The following FAM117A variants were observed in gnomAD, a reference collection of about 807,000 sequenced individuals.
FAM117A encodes the protein family with sequence similarity 117 member A.
Under a neutral mutation model 44.1 loss-of-function variants are expected in FAM117A, and 21 were observed. The ratio of observed to expected loss-of-function variants is 0.48; its 90% CI spans 0.34 to 0.69. The LOEUF is 0.69. Ranked by LOEUF, FAM117A falls within the 30% of genes least tolerant of loss-of-function variation. The probability of loss-of-function intolerance (pLI) is 0.01; values close to 1 mark genes in which losing one functional copy is unlikely to be tolerated. For synonymous variants in FAM117A, 220 were observed against 238.3 expected (o/e 0.92, Z 0.71); for missense variants, 498 against 589.9 (o/e 0.84, Z 1.61).
chr17:49,782,380 A>G (rs2073792262), intron 1 of FAM117A, among the ~76,000 whole-genome samples: 1 of 148,592 alleles, frequency 6.7e-6, no homozygotes, highest in East Asian at 2.0e-4. Flanking sequence ...CCGTCTCAAA[A>G]AAAAAAAAAA....
At chr17:49,759,272 T>A (rs2073712567) in intron 1 of FAM117A, among the ~76,000 whole-genome samples, 1 of 152,182 alleles carries the variant, frequency 6.6e-6, no homozygotes, top group Admixed American at 6.5e-5. Context: ...CTCCTTTGGG[T>A]ACCAAAGAGA....
chr17:49,757,849 T>C (rs752665533), intron 1 of FAM117A, among the ~76,000 whole-genome samples: 35 of 152,186 alleles, frequency 2.3e-4, no homozygotes, highest in Non-Finnish European at 3.7e-4. Context: ...CACCCATCCT[T>C]TCTTTGCTTC....
chr17:49,719,814 G>A lies in FAM117A; in HGVS notation c.654C>T (p.Asn218=). 6.2e-7 allele frequency: 1 copy of A among 1,606,540 alleles called. No homozygotes were observed. The change falls in exon 5 of 8, where the codon AAC becomes AAT. Residue 218 remains asparagine (N), a synonymous_variant. Coordinates refer to ENST00000240364, the MANE Select transcript of FAM117A (RefSeq NM_030802.4). ...PCLHRSLEGL[N]QELEEVFVKE... ...TCACAAATACCTCCTCCAGCTCTTG[G>A]TTGAGCCCTTCCAGGCTCCTGTGCA...
intron 1 of FAM117A, among the ~76,000 whole-genome samples, chr17:49,774,382 C>CG (rs773184826): frequency 3.7e-5 from 5 of 136,838 alleles, no homozygotes; most frequent in African/African-American, 5.6e-5. Flanking sequence ...TTTTTTGAGA[C>CG]GGAGTCTCGC....
At position 49,731,559 on chromosome 17, in the gene FAM117A, ATACTG is replaced by A. The variant is rs535758056; in HGVS notation, c.366+987_366+991del. ...TAATGAAAAGACTGTCTTAATGAAA[ATACTG>A]AAGGAGAGGAAGCTGGCTCCCCAGT... On this transcript the variant is annotated intron_variant, in intron 2 of 7. Transcript: ENST00000240364. Among the ~76,000 whole-genome samples the A allele has an allele frequency of 2.6e-4, 40 of 152,314 alleles. No homozygotes were observed. The South Asian group carries it at 8.1e-3, about 31-fold the overall frequency.
intron 1 of FAM117A, among the ~76,000 whole-genome samples, chr17:49,774,910 T>C (rs1400667634): frequency 3.3e-5 from 5 of 152,160 alleles, no homozygotes; most frequent in African/African-American, 7.2e-5. Flanking sequence ...ATTATACACA[T>C]AGAATTAGGT....
At chr17:49,746,991 G>A (rs1330172982) in intron 1 of FAM117A, among the ~76,000 whole-genome samples, 6 of 152,146 alleles carry the variant, frequency 3.9e-5, no homozygotes, top group Non-Finnish European at 7.3e-5. Context: ...ATTTACCCTT[G>A]AAGACAGGAA....
chr17:49,732,750 C>T (rs1245792150), intron 1 of FAM117A, 30 bp from the exon 2 acceptor site: 5 of 1,603,504 alleles, frequency 3.1e-6, no homozygotes, highest in Non-Finnish European at 3.4e-6. Flanking sequence ...GCACGCCTTG[C>T]CATCAGCATG....
chr17:49,740,545 A>G (rs963539600), intron 1 of FAM117A, among the ~76,000 whole-genome samples: 9 of 152,286 alleles, frequency 5.9e-5, no homozygotes, highest in Admixed American at 2.6e-4. Context: ...CACTGCACCC[A>G]GCCTGGTAAG....
intron 2 of FAM117A, among the ~76,000 whole-genome samples, chr17:49,727,784 A>G (rs991263755): frequency 2.0e-5 from 3 of 152,244 alleles, no homozygotes; most frequent in African/African-American, 7.2e-5. Flanking sequence ...CACAGGCAGG[A>G]AAGTCCTGGC....
chr17:49,719,905 G>C lies in FAM117A; in HGVS notation c.574-11C>G, dbSNP rs773709536. On this transcript the variant is annotated splice_polypyrimidine_tract_variant and intron_variant, in intron 4 of 7. Coordinates refer to ENST00000240364, the MANE Select transcript of FAM117A (RefSeq NM_030802.4). ...GCTGGGAGGGGACGCCTGAGGAAGA[G>C]GCAAATGACAAAATCACACACAGCC... is the stretch of plus-strand genomic sequence containing the variant. The C allele has an allele frequency of 6.3e-7, 1 of 1,597,452 alleles. No homozygotes were observed. Among genetic ancestry groups the C allele is most frequent in the Admixed American group, 1.7e-5 (1 of 57,270 alleles).
At chr17:49,755,999 C>T (rs1380866259) in intron 1 of FAM117A, among the ~76,000 whole-genome samples, 1 of 152,118 alleles carries the variant, frequency 6.6e-6, no homozygotes, top group East Asian at 1.9e-4. Flanking sequence ...GAGGTGCCTA[C>T]TCTTAAAAAG....
intron 1 of FAM117A, among the ~76,000 whole-genome samples, chr17:49,760,796 T>G (rs1383824064): frequency 6.6e-6 from 1 of 152,208 alleles, no homozygotes; most frequent in Non-Finnish European, 1.5e-5. Flanking sequence ...AGTATAAAAG[T>G]CAGCGGCCTC....
chr17:49,736,960 G>T (rs1360022108), intron 1 of FAM117A, among the ~76,000 whole-genome samples: 1 of 152,236 alleles, frequency 6.6e-6, no homozygotes. Flanking sequence ...CATAGGGCTG[G>T]CAATTGGCAG....
chr17:49,758,040 G>C (rs897481800), intron 1 of FAM117A, among the ~76,000 whole-genome samples: 2 of 152,182 alleles, frequency 1.3e-5, no homozygotes, highest in African/African-American at 2.4e-5. Flanking sequence ...CTTTAAAAGG[G>C]CTCCAGGGCC....
rs1414595595 is a variant in FAM117A at position 49,717,732 on chromosome 17, T to C, written c.709-18A>G. The C allele has an allele frequency of 1.5e-5, 23 of 1,577,270 alleles. No individual in the cohort carries two copies. The highest frequency in any genetic ancestry group is 1.9e-5 in the Non-Finnish European group (22 of 1,158,806). ...TCAAGGATCTAACGGGGAAGGACGG[T>C]AAAGACTGTCAGCCCTGAGTATTTC... On this transcript the variant is annotated intron_variant, in intron 5 of 7. Coordinates refer to ENST00000240364, the MANE Select transcript of FAM117A (RefSeq NM_030802.4).
intron 1 of FAM117A, among the ~76,000 whole-genome samples, chr17:49,772,064 G>A (rs573651682): frequency 1.3e-5 from 2 of 152,240 alleles, no homozygotes; most frequent in South Asian, 2.1e-4. Context: ...AGCTGAGGTG[G>A]GAGGAGTACT....
Position 49,737,777 on chromosome 17 carries a change from G to A in FAM117A, c.197-5057C>T, listed in dbSNP as rs369920403. Among the ~76,000 whole-genome samples, 7 of 152,280 alleles carry A rather than the reference G, an allele frequency of 4.6e-5. No individual in the cohort carries two copies. The East Asian group carries it at 5.8e-4, about 13-fold the overall frequency. On this transcript the variant is annotated intron_variant, in intron 1 of 7. Coordinates refer to ENST00000240364, the MANE Select transcript of FAM117A (RefSeq NM_030802.4). ...GGAAAGACTGTTAAGGAAGACTAAG[G>A]CACAAAGAAGCTTAGTCTCTGATTA...
At position 49,711,269 on chromosome 17, in the gene FAM117A, A is replaced by G. The variant is rs1239989511; in HGVS notation, c.1348T>C (p.Ser450Pro). ...GGGTGGGACCCTCAGACCATCAGGG[A>G]GCTCTGGAAAAGCACAGGCTCTTCT... is the stretch of plus-strand genomic sequence containing the variant. ...PSEEPVLFQS[S>P]LMV is the part of the protein sequence containing the mutation. Residue 450 changes from serine (S) to proline (P), a missense_variant, in exon 8 of 8, where the codon TCC becomes CCC. By Grantham distance (74) the Ser-to-Pro change is moderately conservative. Around this residue, in one of 3 missense-constraint regions of FAM117A, gnomAD observed 224 missense variants for 296.5 expected, o/e 0.76. Coordinates refer to ENST00000240364, the MANE Select transcript of FAM117A (RefSeq NM_030802.4). 5.0e-6 allele frequency: 8 copies of G among 1,604,550 alleles called. No homozygotes were observed. Among genetic ancestry groups the G allele is most frequent in the East Asian group, 2.2e-5 (1 of 44,732 alleles).
Sources: allele counts gnomAD v4.1 joint callset (sites outside exome capture counted in the v4.1 genomes callset), GRCh38; gene constraint gnomAD v4.1.1; regional missense constraint gnomAD v4.1.1; transcripts MANE v1.5; gene names NCBI Gene and HGNC (gene_info 2026-07-23, HGNC 2026-07-21).